Variants in PUS7 observed in about 807,000 individuals in gnomAD.
PUS7 encodes the protein pseudouridylate synthase 7 homolog.
Under a neutral mutation model 79.8 loss-of-function variants are expected in PUS7, and 48 were observed. The ratio of observed to expected loss-of-function variants is 0.60; its 90% CI spans 0.48 to 0.76. PUS7 has a LOEUF of 0.76. Ranked by LOEUF, PUS7 falls within the 30% of genes least tolerant of loss-of-function variation. The pLI is 0.00. For missense variants in PUS7, 729 were observed against 797.6 expected, an observed-to-expected ratio of 0.91 and a Z score of 1.04; for synonymous variants, 286 against 272.2, an observed-to-expected ratio of 1.05 and a Z score of -0.50.
chr7:105,520,354 G>A (rs916722987), intron 1 of PUS7, among the ~76,000 whole-genome samples: 1 of 151,926 alleles, frequency 6.6e-6, no homozygotes, highest in East Asian at 1.9e-4. Context: ...AGCTACTCGG[G>A]AGGCTGAGGC....
intron 5 of PUS7, among the ~76,000 whole-genome samples, chr7:105,499,053 C>T (rs1190332772): frequency 6.6e-6 from 1 of 152,180 alleles, no homozygotes; most frequent in Non-Finnish European, 1.5e-5. Context: ...AAAAAGCAGT[C>T]TGTATATACT....
intron 6 of PUS7, among the ~76,000 whole-genome samples, chr7:105,493,444 T>C (rs1824877655): frequency 6.6e-6 from 1 of 152,194 alleles, no homozygotes; most frequent in South Asian, 2.1e-4. Context: ...GGTACAGGCA[T>C]AGTAGCACAG....
chr7:105,502,459 T>C lies in PUS7; in HGVS notation c.691A>G (p.Ile231Val). The change falls in exon 5 of 16, where the codon ATT becomes GTT. Residue 231 changes from isoleucine (I) to valine (V), a missense_variant. Coordinates refer to ENST00000469408, the MANE Select transcript of PUS7 (RefSeq NM_019042.5). ...KTEDREGKKY[I>V]VAYHAAGKKA... ...TTCCCAGCTGCGTGGTAGGCTACAA[T>C]GTATTTCTTCCCCTCCCTATCCTCT... is the stretch of plus-strand genomic sequence containing the variant. 1.2e-6 allele frequency: 2 copies of C among 1,614,164 alleles called. No individual in the cohort carries two copies. Among genetic ancestry groups the C allele is most frequent in the Middle Eastern group, 1.6e-4 (1 of 6,062 alleles).
chr7:105,508,602 G>A, intron 1 of PUS7, 58 bp from the exon 2 acceptor site: 1 of 1,526,482 alleles, frequency 6.6e-7, no homozygotes, highest in Non-Finnish European at 8.7e-7. Flanking sequence ...TTCAGGCCGG[G>A]CGCGGTGGCT....
At chr7:105,481,966 G>A (rs1301433784) in intron 8 of PUS7, among the ~76,000 whole-genome samples, 2 of 152,164 alleles carry the variant, frequency 1.3e-5, no homozygotes, top group Non-Finnish European at 2.9e-5. Flanking sequence ...TCCTGACCTT[G>A]TGATCCACCT....
rs573197277 is a variant in PUS7, at chr7:105,470,787, A to G, written c.1299T>C (p.Ala433=). 6.2e-7 allele frequency: 1 copy of G among 1,612,682 alleles called. No individual in the cohort carries two copies. The part of the protein sequence containing the change: ...EEWAKTKDPT[A]ALRKLPVKRC... Reference sequence around the variant, plus strand: ...TTTTGACAGGTAGTTTTCTGAGGGCAGCAGTTGGGTCTTTGGTCTTTGCCC... The same window carrying G: ...TTTTGACAGGTAGTTTTCTGAGGGCGGCAGTTGGGTCTTTGGTCTTTGCCC... Residue 433 remains alanine (A), a synonymous_variant, in exon 11 of 16, where the codon GCT becomes GCC. Coordinates refer to ENST00000469408, the MANE Select transcript of PUS7 (RefSeq NM_019042.5).
intron 5 of PUS7, 66 bp downstream of exon 5, chr7:105,502,354 C>T (rs557301423): frequency 6.3e-6 from 10 of 1,590,528 alleles, no homozygotes; most frequent in African/African-American, 1.3e-5. Context: ...ACGGGCAAGG[C>T]TAACGAGGAG....
In PUS7 at chr7:105,494,735, T is replaced by C. The variant is rs958120088; in HGVS notation, c.842+407A>G. On this transcript the variant is annotated intron_variant, in intron 6 of 15. Coordinates refer to ENST00000469408, the MANE Select transcript of PUS7 (RefSeq NM_019042.5). ...TCGGCAATTCTTAATCCCAGTACTT[T>C]GGGAGGCTGAAGTGTGAGGACTGCT... is the stretch of plus-strand genomic sequence containing the variant. Among the ~76,000 whole-genome samples the C allele has an allele frequency of 5.3e-5, 8 of 151,878 alleles. No homozygotes were observed. In the East Asian group the frequency reaches 1.5e-3, roughly 29 times the overall value.
chr7:105,515,786 T>TCTTA (rs1562824493), intron 1 of PUS7, among the ~76,000 whole-genome samples: 1 of 58,154 alleles, frequency 1.7e-5, no homozygotes, highest in African/African-American at 6.4e-5. Context: ...TTGTATTTTA[T>TCTTA]TTTATTTTAT....
At chr7:105,520,449 G>A (rs941812810) in intron 1 of PUS7, among the ~76,000 whole-genome samples, 3 of 151,996 alleles carry the variant, frequency 2.0e-5, no homozygotes, top group African/African-American at 7.2e-5. Context: ...CTCAAGCTGG[G>A]TGAATGCTTA....
chr7:105,459,851 C>T (rs1201895472), intron 14 of PUS7, among the ~76,000 whole-genome samples: 1 of 152,166 alleles, frequency 6.6e-6, no homozygotes, highest in Non-Finnish European at 1.5e-5. Flanking sequence ...GGTGGGATGA[C>T]TAAGCCCAGG....
At chr7:105,507,335 C>A (rs905286935) in intron 2 of PUS7, among the ~76,000 whole-genome samples, 1 of 151,358 alleles carries the variant, frequency 6.6e-6, no homozygotes, top group African/African-American at 2.4e-5. Flanking sequence ...CGTTAGCCAC[C>A]GTGTCTGGCC....
chr7:105,490,111 TAAA>T (rs148584351), intron 7 of PUS7, among the ~76,000 whole-genome samples: 3 of 94,674 alleles, frequency 3.2e-5, no homozygotes, highest in Non-Finnish European at 2.2e-5. Flanking sequence ...ACAGCAAGAC[TAAA>T]AAAAAAAAAA....
chr7:105,501,181 A>G (rs1825233193), intron 5 of PUS7, among the ~76,000 whole-genome samples: 1 of 152,208 alleles, frequency 6.6e-6, no homozygotes, highest in African/African-American at 2.4e-5. Context: ...GGCTTCATCC[A>G]TCACAGTATT....
chr7:105,518,197 C>G (rs1013314356), intron 1 of PUS7, among the ~76,000 whole-genome samples: 4 of 151,554 alleles, frequency 2.6e-5, no homozygotes, highest in African/African-American at 2.4e-5. Context: ...CCTGTAGTCC[C>G]AGCTACTTGT....
chr7:105,482,470 CAA>C, intron 7 of PUS7, 30 bp from the exon 8 acceptor site: 1 of 1,533,688 alleles, frequency 6.5e-7, no homozygotes, highest in Non-Finnish European at 8.8e-7. Context: ...AGCAACAAAA[CAA>C]AAAAGAGTAG....
At chr7:105,515,555 G>C (rs897462228) in intron 1 of PUS7, among the ~76,000 whole-genome samples, 3 of 152,092 alleles carry the variant, frequency 2.0e-5, no homozygotes, top group African/African-American at 7.2e-5. Context: ...GAAAAGACAA[G>C]AATAAACTAA....
At chr7:105,492,672 A>AT (rs938115279) in intron 6 of PUS7, among the ~76,000 whole-genome samples, 2 of 151,066 alleles carry the variant, frequency 1.3e-5, no homozygotes, top group African/African-American at 2.4e-5. Context: ...CGCCCGGCTA[A>AT]TTTTTTGTAT....
chr7:105,513,787 G>A (rs1238057845), intron 1 of PUS7, among the ~76,000 whole-genome samples: 2 of 143,462 alleles, frequency 1.4e-5, no homozygotes, highest in East Asian at 2.1e-4. Context: ...GCGGTGAGCC[G>A]AGATTGTGCC....
Sources: allele counts gnomAD v4.1 joint callset (sites outside exome capture counted in the v4.1 genomes callset), GRCh38; gene constraint gnomAD v4.1.1; transcripts MANE v1.5; gene names NCBI Gene and HGNC (gene_info 2026-07-23, HGNC 2026-07-21).